Variants in GRIK1 observed in about 807,000 individuals in gnomAD.
GRIK1 encodes the protein glutamate receptor ionotropic, kainate 1.
Under a neutral mutation model 105.7 loss-of-function variants are expected in GRIK1, and 69 were observed. The ratio of observed to expected loss-of-function variants is 0.65; its 90% CI spans 0.54 to 0.80. The LOEUF (loss-of-function observed/expected upper bound fraction) is 0.80, where lower values mean the gene tolerates loss of function less well. Ranked by LOEUF, GRIK1 falls within the 30% of genes least tolerant of loss-of-function variation. The probability of loss-of-function intolerance (pLI) is 0.00; values close to 1 mark genes in which losing one functional copy is unlikely to be tolerated. For missense variants in GRIK1, 1,109 were observed against 1,167.3 expected (o/e 0.95, Z 0.73); for synonymous variants, 438 against 431.3 (o/e 1.02, Z -0.19).
At chr21:29,834,796 TTTTA>T (rs1280875506) in intron 1 of GRIK1, among the ~76,000 whole-genome samples, 1 of 150,448 alleles carries the variant, frequency 6.6e-6, no homozygotes, top group Non-Finnish European at 1.5e-5. Context: ...ATATTAATGA[TTTTA>T]TTTATTCAAT....
chr21:29,638,502 A>C (rs1330820393), intron 7 of GRIK1, among the ~76,000 whole-genome samples: 2 of 152,216 alleles, frequency 1.3e-5, no homozygotes, highest in East Asian at 3.8e-4. Flanking sequence ...TCAGTTGTAC[A>C]AAGAGGTGGC....
chr21:29,747,599 G>A (rs370182782), intron 1 of GRIK1, among the ~76,000 whole-genome samples: 8 of 152,314 alleles, frequency 5.3e-5, no homozygotes, highest in East Asian at 3.9e-4. Context: ...GGTAGGCTGA[G>A]GCAGGTGGAT....
At chr21:29,786,993 G>A (rs964666196) in intron 1 of GRIK1, among the ~76,000 whole-genome samples, 4 of 152,134 alleles carry the variant, frequency 2.6e-5, no homozygotes, top group African/African-American at 4.8e-5. Flanking sequence ...ATTTATCTGA[G>A]ATTCATTGTA....
chr21:29,905,832 T>G (rs2070615113), intron 1 of GRIK1, among the ~76,000 whole-genome samples: 1 of 152,150 alleles, frequency 6.6e-6, no homozygotes, highest in African/African-American at 2.4e-5. Flanking sequence ...TTTGCCATGT[T>G]GGCCAGGCTG....
chr21:29,632,180 C>A (rs984032672), intron 7 of GRIK1, among the ~76,000 whole-genome samples: 1 of 152,048 alleles, frequency 6.6e-6, no homozygotes, highest in East Asian at 1.9e-4. Context: ...TATAGCAATG[C>A]CCATTTCCCT....
chr21:29,699,965 T>A (rs547657295), intron 1 of GRIK1, among the ~76,000 whole-genome samples: 1 of 152,232 alleles, frequency 6.6e-6, no homozygotes, highest in South Asian at 2.1e-4. Context: ...TTCTTTTTTT[T>A]CTCCCAAGGG....
chr21:29,565,066 G>A (rs933853609), intron 14 of GRIK1, among the ~76,000 whole-genome samples: 5 of 152,200 alleles, frequency 3.3e-5, no homozygotes, highest in Non-Finnish European at 5.9e-5. Context: ...GGACACCTTT[G>A]AGCAGGGAGG....
chr21:29,668,945 A>G (rs1000212254), intron 4 of GRIK1, among the ~76,000 whole-genome samples: 5 of 152,108 alleles, frequency 3.3e-5, no homozygotes, highest in Non-Finnish European at 7.4e-5. Flanking sequence ...AAGCATCAGG[A>G]CCCTGCTGCG....
At chr21:29,784,286 T>C (rs752818201) in intron 1 of GRIK1, among the ~76,000 whole-genome samples, 12 of 152,250 alleles carry the variant, frequency 7.9e-5, no homozygotes, top group Non-Finnish European at 1.3e-4. Context: ...AAGCTTATTT[T>C]GTACCTTGAG....
chr21:29,865,998 C>T (rs565008088), intron 1 of GRIK1, among the ~76,000 whole-genome samples: 2 of 152,220 alleles, frequency 1.3e-5, no homozygotes, highest in African/African-American at 2.4e-5. Context: ...TTTAGAAGAA[C>T]AAGGATGACT....
At chr21:29,678,819 C>G (rs919986310) in intron 3 of GRIK1, among the ~76,000 whole-genome samples, 5 of 152,072 alleles carry the variant, frequency 3.3e-5, no homozygotes, top group Non-Finnish European at 2.9e-5. Flanking sequence ...TGAAAAGAGT[C>G]ACTTATTTGG....
chr21:29,578,837 A>G (rs117291467), intron 13 of GRIK1, among the ~76,000 whole-genome samples: 372 of 152,244 alleles, frequency 2.4e-3, no homozygotes, highest in Non-Finnish European at 3.2e-3. Context: ...TGGCAATGTA[A>G]TATTATTTTA....
intron 1 of GRIK1, among the ~76,000 whole-genome samples, chr21:29,738,908 C>A (rs1378480162): frequency 6.6e-6 from 1 of 152,190 alleles, no homozygotes; most frequent in Admixed American, 6.5e-5. Context: ...GTCTTCAAGT[C>A]AGTACACATT....
intron 3 of GRIK1, among the ~76,000 whole-genome samples, chr21:29,673,515 C>A (rs983159386): frequency 3.3e-5 from 5 of 152,092 alleles, no homozygotes; most frequent in African/African-American, 1.2e-4. Context: ...CAAAAGTGTT[C>A]GATGAAATAG....
At chr21:29,842,718 A>G (rs544033628) in intron 1 of GRIK1, among the ~76,000 whole-genome samples, 3 of 152,306 alleles carry the variant, frequency 2.0e-5, no homozygotes, top group Non-Finnish European at 2.9e-5. Context: ...GTCGACATTA[A>G]CTTTTTATGT....
chr21:29,740,801 G>A (rs963072946), intron 1 of GRIK1, among the ~76,000 whole-genome samples: 1 of 152,128 alleles, frequency 6.6e-6, no homozygotes, highest in Non-Finnish European at 1.5e-5. Context: ...CAATCACAGG[G>A]GAGTCATTAT....
At chr21:29,893,581 T>C (rs1417844135) in intron 1 of GRIK1, among the ~76,000 whole-genome samples, 1 of 152,250 alleles carries the variant, frequency 6.6e-6, no homozygotes. Context: ...TTTACCAGAC[T>C]TAACCTTCAG....
rs189388326 is a variant in GRIK1 at position 29,929,755 on chromosome 21, T to A, written c.118+9628A>T. On this transcript the variant is annotated intron_variant, in intron 1 of 17. Transcript: ENST00000327783. ...AGTACAATCATTATGGAAAACAGTA[T>A]GTAGGTTGCTTAAAAAACTAAAAAT... Among the ~76,000 whole-genome samples the A allele has an allele frequency of 2.3e-3, 352 of 152,296 alleles. 1 individual carries two copies. The highest frequency in any genetic ancestry group is 8.0e-3 in the African/African-American group (332 of 41,560).
chr21:29,705,085 A>G (rs1453310950), intron 1 of GRIK1, among the ~76,000 whole-genome samples: 2 of 152,186 alleles, frequency 1.3e-5, no homozygotes, highest in African/African-American at 2.4e-5. Context: ...GGTTCCAGGG[A>G]AGCTATATTA....
Sources: allele counts gnomAD v4.1 joint callset (sites outside exome capture counted in the v4.1 genomes callset), GRCh38; gene constraint gnomAD v4.1.1; transcripts MANE v1.5; gene names NCBI Gene and HGNC (gene_info 2026-07-23, HGNC 2026-07-21).